The following PEBP4 variants were observed in gnomAD, a reference collection of about 807,000 sequenced individuals.
PEBP4 encodes phosphatidylethanolamine-binding protein 4.
A neutral mutation model predicts 23.9 loss-of-function variants in PEBP4; 22 were observed. The ratio of observed to expected loss-of-function variants is 0.92; its 90% confidence interval spans 0.66 to 1.31. PEBP4 has a LOEUF of 1.31. Ranked by LOEUF, PEBP4 falls within the 40% of genes most tolerant of loss-of-function variation. The pLI is 0.00. For missense variants in PEBP4, 324 were observed against 281.7 expected (o/e 1.15, Z -1.07); for synonymous variants, 112 against 99.3 (o/e 1.13, Z -0.76).
chr8:22,832,031 G>A (rs1195165626), intron 3 of PEBP4, among the ~76,000 whole-genome samples: 1 of 152,134 alleles, frequency 6.6e-6, no homozygotes, highest in Non-Finnish European at 1.5e-5. Context: ...TCCTGCATGT[G>A]ATGTGGTGGG....
chr8:22,758,570 C>A (rs1318930901), intron 4 of PEBP4, among the ~76,000 whole-genome samples: 1 of 152,174 alleles, frequency 6.6e-6, no homozygotes, highest in African/African-American at 2.4e-5. Flanking sequence ...AAGCCCGCAG[C>A]CCAGTTTTGC....
chr8:22,859,940 G>A (rs902226754), intron 3 of PEBP4, among the ~76,000 whole-genome samples: 15 of 151,482 alleles, frequency 9.9e-5, no homozygotes, highest in African/African-American at 3.6e-4. Context: ...AACATAGGGA[G>A]ACCCCATCCC....
chr8:22,806,751 CA>C (rs1263144376), intron 4 of PEBP4, among the ~76,000 whole-genome samples: 1 of 152,082 alleles, frequency 6.6e-6, no homozygotes, highest in Non-Finnish European at 1.5e-5. Context: ...TAACAAGTCA[CA>C]AACTCCCACC....
upstream of PEBP4, chr8:22,928,033 G>A: frequency 3.2e-6 from 1 of 316,738 alleles, no homozygotes; most frequent in Non-Finnish European, 5.9e-6. Flanking sequence ...CTGCAAAGTA[G>A]AAGTGCTTAT....
chr8:22,771,125 C>T (rs1169850158), intron 4 of PEBP4, among the ~76,000 whole-genome samples: 2 of 152,212 alleles, frequency 1.3e-5, no homozygotes, highest in Non-Finnish European at 2.9e-5. Flanking sequence ...GACTGAACAC[C>T]TACCAGGCAT....
intron 3 of PEBP4, chr8:22,888,155 CTT>C (rs34600138): frequency 1.2e-4 from 15 of 129,738 alleles, no homozygotes; most frequent in Non-Finnish European, 9.7e-5. Flanking sequence ...CCACCCACTT[CTT>C]TTTTTTTTTT....
intron 3 of PEBP4, among the ~76,000 whole-genome samples, chr8:22,880,949 C>T (rs1381469077): frequency 1.3e-5 from 2 of 152,254 alleles, no homozygotes; most frequent in East Asian, 1.9e-4. Flanking sequence ...CAGGTCCCAC[C>T]ACCCTTCCTG....
intron 4 of PEBP4, among the ~76,000 whole-genome samples, chr8:22,763,010 C>CTTTTTTT (rs34844479): frequency 1.0e-4 from 15 of 146,238 alleles, no homozygotes; most frequent in African/African-American, 3.5e-4. Flanking sequence ...TGAAAGAAGT[C>CTTTTTTT]TTTTTTTTTT....
chr8:22,803,331 C>T (rs1806428260), intron 4 of PEBP4, among the ~76,000 whole-genome samples: 1 of 152,110 alleles, frequency 6.6e-6, no homozygotes, highest in Non-Finnish European at 1.5e-5. Flanking sequence ...CTTGGCCTCT[C>T]CTGGGAGTTC....
intron 3 of PEBP4, among the ~76,000 whole-genome samples, chr8:22,854,053 C>T (rs1439347662): frequency 1.3e-5 from 2 of 152,204 alleles, no homozygotes; most frequent in African/African-American, 4.8e-5. Flanking sequence ...TCAGTGCCTG[C>T]AATGCTGCAC....
chr8:22,851,968 G>A (rs1807561006), intron 3 of PEBP4, among the ~76,000 whole-genome samples: 1 of 152,160 alleles, frequency 6.6e-6, no homozygotes, highest in African/African-American at 2.4e-5. Flanking sequence ...GGGATCAGCT[G>A]TGTGGGGCAG....
intron 3 of PEBP4, among the ~76,000 whole-genome samples, chr8:22,881,252 G>A (rs1427118037): frequency 6.6e-6 from 1 of 152,180 alleles, no homozygotes; most frequent in Non-Finnish European, 1.5e-5. Flanking sequence ...TCCAGCCTAA[G>A]GGCGGTAGTT....
In PEBP4 at chr8:22,862,415, G is replaced by C. The variant is rs567026650; in HGVS notation, c.259-44680C>G. ...GAGTGATTCAGCGATTAATGTCAGG[G>C]TCCCTGATTTCCTCCCTAAGTATCT... On this transcript the variant is annotated intron_variant, in intron 3 of 6. Transcript: ENST00000256404. Among the ~76,000 whole-genome samples, 87 of 152,270 alleles carry C rather than the reference G, an allele frequency of 5.7e-4. No homozygotes were observed. The East Asian group carries it at 0.012, about 20-fold the overall frequency.
chr8:22,715,516 G>A (rs1804398444), intron 6 of PEBP4, among the ~76,000 whole-genome samples: 1 of 152,194 alleles, frequency 6.6e-6, no homozygotes, highest in African/African-American at 2.4e-5. Flanking sequence ...CCCACCGTAG[G>A]GCAGGAAGGA....
chr8:22,764,952 G>T (rs1400243774), intron 4 of PEBP4, among the ~76,000 whole-genome samples: 4 of 152,062 alleles, frequency 2.6e-5, no homozygotes, highest in Non-Finnish European at 4.4e-5. Context: ...GAGAGGAGGG[G>T]ATGGACTTCC....
rs191291470 is a variant in PEBP4 at position 22,871,798 on chromosome 8, C to T, written c.258+48386G>A. ...TGATCTCCTGACCTCCTGATCCACCCGCCTCGGCCTCCCAAAGGGCTGGAA... is the reference window on the plus strand; with the variant it reads ...TGATCTCCTGACCTCCTGATCCACCTGCCTCGGCCTCCCAAAGGGCTGGAA... On this transcript the variant is annotated intron_variant, in intron 3 of 6. Coordinates refer to ENST00000256404, the MANE Select transcript of PEBP4 (RefSeq NM_144962.3). Among the ~76,000 whole-genome samples the T allele has an allele frequency of 1.8e-3, 276 of 149,290 alleles. 1 individual carries two copies. Among genetic ancestry groups the T allele is most frequent in the African/African-American group, 6.4e-3 (261 of 40,482 alleles).
intron 3 of PEBP4, chr8:22,886,753 G>A (rs1186821788): frequency 6.6e-6 from 1 of 152,578 alleles, no homozygotes; most frequent in Non-Finnish European, 1.5e-5. Context: ...CCTGAGATGG[G>A]GTGGCCCACC....
rs187715457 is a variant in PEBP4 at position 22,783,703 on chromosome 8, C to T, written c.357+33934G>A. On this transcript the variant is annotated intron_variant, in intron 4 of 6. Coordinates refer to ENST00000256404, the MANE Select transcript of PEBP4 (RefSeq NM_144962.3). ...TGTTTTGTTTTGTTTGAGATGGAGT[C>T]TTACTCTGTTACCCAACCTCCCATG... 5.1e-3 allele frequency among the ~76,000 whole-genome samples: 777 copies of T among 152,320 alleles called. 6 individuals are homozygous for T. The highest frequency in any genetic ancestry group is 8.8e-3 in the Non-Finnish European group (599 of 68,014).
intron 4 of PEBP4, among the ~76,000 whole-genome samples, chr8:22,793,122 A>G (rs371005984): frequency 2.0e-5 from 3 of 152,306 alleles, no homozygotes; most frequent in East Asian, 3.9e-4. Flanking sequence ...TGGTACATAC[A>G]CTTTCCAGTT....
Sources: allele counts gnomAD v4.1 joint callset (sites outside exome capture counted in the v4.1 genomes callset), GRCh38; gene constraint gnomAD v4.1.1; transcripts MANE v1.5; gene names NCBI Gene and HGNC (gene_info 2026-07-23, HGNC 2026-07-21).